PLCB4: variants seen among roughly 807,000 people sequenced by gnomAD.
PLCB4 encodes the protein phospholipase C beta 4, also known as 1-phosphatidylinositol 4,5-bisphosphate phosphodiesterase beta-4.
PLCB4 carries 77 observed loss-of-function variants against 178.8 expected under a neutral mutation model. The observed-to-expected ratio is 0.43, with a 90% confidence interval of 0.36 to 0.52. The LOEUF is 0.52. PLCB4 is among the 20% of genes least tolerant of loss of function. The probability of loss-of-function intolerance (pLI) is 0.00; values close to 1 mark genes in which losing one functional copy is unlikely to be tolerated. For missense variants in PLCB4, 1,024 were observed against 1,453.4 expected (o/e 0.70, Z 4.80); for synonymous variants, 496 against 490.8 (o/e 1.01, Z -0.14).
rs527469229 is a variant in PLCB4 at position 9,127,218 on chromosome 20, G to A, written c.-79+30876G>A. Among the ~76,000 whole-genome samples the A allele has an allele frequency of 2.3e-3, 346 of 152,112 alleles. 1 individual carries two copies. Among genetic ancestry groups the A allele is most frequent in the African/African-American group, 7.9e-3 (329 of 41,516 alleles). ...CACCCGAGTATCTTGTTAAAATGCA[G>A]CTTCCCAGGCAGCAGGTCCGGGAGC... On this transcript the variant is annotated intron_variant, in intron 2 of 39. Transcript: ENST00000378473.
chr20:9,471,839 T>A (rs756593249), intron 36 of PLCB4, among the ~76,000 whole-genome samples: 2 of 152,126 alleles, frequency 1.3e-5, no homozygotes, highest in Non-Finnish European at 2.9e-5. Flanking sequence ...GAAGAGCCTG[T>A]TCGTACCCTG....
chr20:9,126,147 AGT>A (rs1361344012), intron 2 of PLCB4, among the ~76,000 whole-genome samples: 16 of 152,204 alleles, frequency 1.1e-4, no homozygotes, highest in African/African-American at 3.1e-4. Context: ...CTTCTAAGCA[AGT>A]GTTATTTTGA....
intron 2 of PLCB4, among the ~76,000 whole-genome samples, chr20:9,179,240 GGGTGAT>G (rs2093205989): frequency 6.6e-6 from 1 of 152,116 alleles, no homozygotes; most frequent in Non-Finnish European, 1.5e-5. Flanking sequence ...ATAGAGGTTG[GGGTGAT>G]GGTAAACCAG....
At chr20:9,331,159 T>G (rs1203470188) in intron 4 of PLCB4, among the ~76,000 whole-genome samples, 1 of 152,188 alleles carries the variant, frequency 6.6e-6, no homozygotes, top group Non-Finnish European at 1.5e-5. Flanking sequence ...AAAACCACTG[T>G]GGACTGCCAC....
At position 9,373,436 on chromosome 20, in the gene PLCB4, T is replaced by C. The variant is rs538589815; in HGVS notation, c.744+332T>C. Among the ~76,000 whole-genome samples the C allele has an allele frequency of 4.1e-4, 62 of 152,378 alleles. 2 individuals carry two copies. The South Asian group carries it at 0.011, about 26-fold the overall frequency. ...TGATATTTAAGGTACTTTTTTTCTATTGATCTCATTAAATAGAAAGAGAAT... is the reference window on the plus strand; with the variant it reads ...TGATATTTAAGGTACTTTTTTTCTACTGATCTCATTAAATAGAAAGAGAAT... On this transcript the variant is annotated intron_variant, in intron 12 of 39. Coordinates refer to ENST00000378473, the MANE Select transcript of PLCB4 (RefSeq NM_001377142.1).
At chr20:9,343,351 T>C (rs1403055219) in intron 7 of PLCB4, among the ~76,000 whole-genome samples, 1 of 152,236 alleles carries the variant, frequency 6.6e-6, no homozygotes, top group African/African-American at 2.4e-5. Context: ...GAAGCTTTCC[T>C]GACTTTCAGC....
chr20:9,340,853 G>A (rs35000307), intron 7 of PLCB4, among the ~76,000 whole-genome samples: 10,132 of 152,156 alleles, frequency 0.067, 362 homozygotes, highest in Middle Eastern at 0.095. Context: ...GAGTTATGAC[G>A]TGGGAAGCAC....
intron 1 of PLCB4, among the ~76,000 whole-genome samples, chr20:9,085,426 A>C (rs2090366207): frequency 6.6e-6 from 1 of 152,218 alleles, no homozygotes; most frequent in Admixed American, 6.5e-5. Flanking sequence ...TAGGCTTTTA[A>C]ATGTGTCCTA....
At chr20:9,431,568 C>T (rs1045708960) in intron 28 of PLCB4, among the ~76,000 whole-genome samples, 2 of 152,014 alleles carry the variant, frequency 1.3e-5, no homozygotes, top group African/African-American at 4.8e-5. Context: ...CAGGTTCAAG[C>T]AATTCTCCTG....
intron 25 of PLCB4, among the ~76,000 whole-genome samples, chr20:9,419,396 C>T (rs989429079): frequency 6.6e-6 from 1 of 152,102 alleles, no homozygotes. Flanking sequence ...ATAATTAGAT[C>T]TTACCATTAG....
intron 2 of PLCB4, among the ~76,000 whole-genome samples, chr20:9,197,295 T>G (rs529197718): frequency 6.6e-6 from 1 of 152,240 alleles, no homozygotes; most frequent in Non-Finnish European, 1.5e-5. Flanking sequence ...CTAGGACCTG[T>G]GCTGTCCAAT....
chr20:9,139,942 G>A (rs1352584833), intron 2 of PLCB4, among the ~76,000 whole-genome samples: 2 of 152,006 alleles, frequency 1.3e-5, no homozygotes, highest in African/African-American at 4.8e-5. Context: ...TGGGATTAGT[G>A]CTCTGAAGAT....
At chr20:9,395,227 C>T (rs946395706) in intron 18 of PLCB4, among the ~76,000 whole-genome samples, 20 of 152,134 alleles carry the variant, frequency 1.3e-4, no homozygotes, top group African/African-American at 4.3e-4. Flanking sequence ...AAATCCTTCA[C>T]GAGGACTGAA....
At chr20:9,369,125 G>C (rs911505367) in intron 9 of PLCB4, among the ~76,000 whole-genome samples, 12 of 152,052 alleles carry the variant, frequency 7.9e-5, no homozygotes, top group African/African-American at 2.9e-4. Context: ...CAATTTCTGT[G>C]TAGGAAACAG....
At chr20:9,357,513 C>A (rs1365648365) in intron 7 of PLCB4, among the ~76,000 whole-genome samples, 1 of 152,144 alleles carries the variant, frequency 6.6e-6, no homozygotes, top group Non-Finnish European at 1.5e-5. Context: ...ACTGCTGTGT[C>A]CTGAATGCTT....
At chr20:9,443,294 T>C (rs540341876) in intron 30 of PLCB4, among the ~76,000 whole-genome samples, 2 of 152,326 alleles carry the variant, frequency 1.3e-5, no homozygotes, top group South Asian at 2.1e-4. Context: ...AATGACTGAA[T>C]TGAGAATAGA....
At chr20:9,343,708 C>T (rs576363649) in intron 7 of PLCB4, among the ~76,000 whole-genome samples, 2 of 152,146 alleles carry the variant, frequency 1.3e-5, no homozygotes, top group South Asian at 2.1e-4. Flanking sequence ...TCTCCTCTAC[C>T]GGTAAGTCCC....
At chr20:9,265,419 G>T (rs980638687) in intron 3 of PLCB4, among the ~76,000 whole-genome samples, 1 of 152,258 alleles carries the variant, frequency 6.6e-6, no homozygotes, top group East Asian at 1.9e-4. Flanking sequence ...GGAGGTAAAG[G>T]TTGCAGTGAG....
chr20:9,158,571 T>C (rs987371118), intron 2 of PLCB4, among the ~76,000 whole-genome samples: 2 of 150,060 alleles, frequency 1.3e-5, no homozygotes, highest in African/African-American at 2.5e-5. Flanking sequence ...ACCTGGCCAC[T>C]CTCACGTTTT....
Sources: gnomAD v4.1 joint callset for allele counts (sites outside exome capture counted in the v4.1 genomes callset) on GRCh38, gnomAD v4.1.1 for gene constraint, MANE v1.5 for transcripts, NCBI Gene and HGNC (gene_info 2026-07-23, HGNC 2026-07-21) for gene names.